Variants in CDK14 observed in about 807,000 individuals in gnomAD.
The protein encoded by CDK14 is cyclin dependent kinase 14, also known as cyclin-dependent kinase 14.
A neutral mutation model predicts 60.7 loss-of-function variants in CDK14; 34 were observed. That is an observed-to-expected ratio of 0.56 (90% CI 0.43 to 0.75). The LOEUF is 0.75. Among genes scored for constraint, CDK14 ranks in the 30% least tolerant of loss-of-function variants. CDK14 has a pLI of 0.00. For synonymous variants in CDK14, 197 were observed against 203.7 expected (o/e 0.97, Z 0.28); for missense variants, 482 against 564.1 (o/e 0.85, Z 1.47).
intron 14 of CDK14, among the ~76,000 whole-genome samples, chr7:91,120,690 C>T (rs1799755635): frequency 6.6e-6 from 1 of 152,148 alleles, no homozygotes; most frequent in Admixed American, 6.5e-5. Flanking sequence ...GCACATACCA[C>T]CACGCCTGGC....
chr7:90,678,096 C>T (rs1801236861), intron 2 of CDK14, among the ~76,000 whole-genome samples: 1 of 152,174 alleles, frequency 6.6e-6, no homozygotes, highest in South Asian at 2.1e-4. Flanking sequence ...TTGTAAGAAT[C>T]AAGTGGAGCA....
intron 11 of CDK14, among the ~76,000 whole-genome samples, chr7:91,074,177 C>A (rs534322459): frequency 6.6e-6 from 1 of 152,300 alleles, no homozygotes; most frequent in East Asian, 1.9e-4. Context: ...ACTCTCCACC[C>A]CAAATCCACA....
intron 13 of CDK14, among the ~76,000 whole-genome samples, chr7:91,116,312 A>G (rs185915378): frequency 6.6e-6 from 1 of 152,314 alleles, no homozygotes; most frequent in Admixed American, 6.5e-5. Context: ...ACAAATCGGT[A>G]CAGTGTGAAG....
chr7:90,916,559 TTTCGA>T (rs1793088903), intron 7 of CDK14, among the ~76,000 whole-genome samples: 1 of 152,218 alleles, frequency 6.6e-6, no homozygotes, highest in Non-Finnish European at 1.5e-5. Context: ...TTGCCAATCT[TTTCGA>T]TTCAAGTTTC....
At chr7:90,656,494 C>T (rs1187258889) in intron 2 of CDK14, among the ~76,000 whole-genome samples, 1 of 151,992 alleles carries the variant, frequency 6.6e-6, no homozygotes, top group Admixed American at 6.6e-5. Flanking sequence ...ATTCTTCTGC[C>T]TCAGCCTCCT....
intron 14 of CDK14, among the ~76,000 whole-genome samples, chr7:91,146,731 C>T (rs1800650260): frequency 6.6e-6 from 1 of 152,104 alleles, no homozygotes; most frequent in African/African-American, 2.4e-5. Flanking sequence ...TTATATTGTT[C>T]AGGCAGTGAG....
intron 4 of CDK14, among the ~76,000 whole-genome samples, chr7:90,763,783 G>T (rs147596397): frequency 2.0e-5 from 3 of 151,998 alleles, no homozygotes; most frequent in Admixed American, 6.5e-5. Context: ...CCTGCATGTT[G>T]TGCACATGTA....
chr7:90,964,074 T>C (rs1324289589), intron 9 of CDK14, among the ~76,000 whole-genome samples: 1 of 152,204 alleles, frequency 6.6e-6, no homozygotes, highest in African/African-American at 2.4e-5. Flanking sequence ...TAATTATCCT[T>C]GACTACAAAG....
intron 2 of CDK14, among the ~76,000 whole-genome samples, chr7:90,611,374 A>G (rs17862246): frequency 0.11 from 16,509 of 152,192 alleles, 1,095 homozygotes; most frequent in Middle Eastern, 0.16. Context: ...TTCTGCCGCT[A>G]TGTCTCACAG....
At chr7:91,055,084 T>C (rs1212751615) in intron 11 of CDK14, among the ~76,000 whole-genome samples, 3 of 152,132 alleles carry the variant, frequency 2.0e-5, no homozygotes, top group Non-Finnish European at 2.9e-5. Context: ...GAAGGGTCTA[T>C]AAAAGCGAGT....
chr7:90,809,658 C>G (rs1353499116), intron 5 of CDK14, among the ~76,000 whole-genome samples: 1 of 151,980 alleles, frequency 6.6e-6, no homozygotes, highest in East Asian at 1.9e-4. Context: ...CACAAAAAAC[C>G]CTTCAAAGAA....
intron 3 of CDK14, among the ~76,000 whole-genome samples, chr7:90,733,108 A>G (rs1802940068): frequency 6.6e-6 from 1 of 152,148 alleles, no homozygotes; most frequent in Admixed American, 6.5e-5. Context: ...CCCAGTAGTC[A>G]TTCGGGAGCA....
At position 90,696,326 on chromosome 7, in the gene CDK14, A is replaced by ACTTCTTCTTCTTCTT. The variant is rs149069653; in HGVS notation, c.124-30229_124-30228insCTTCTTCTTCTTCTT. Among the ~76,000 whole-genome samples the ACTTCTTCTTCTTCTT allele has an allele frequency of 1.6e-3, 143 of 88,280 alleles. 5 individuals carry two copies. Among genetic ancestry groups the ACTTCTTCTTCTTCTT allele is most frequent in the Admixed American group, 4.1e-3 (31 of 7,588 alleles). The allele number at this position is 88,280 out of a possible 152,430, so 57.9% of individuals were successfully genotyped here. ...AATCAGGAATTTGATTTGGTTTTGT[A>ACTTCTTCTTCTTCTT]CTTCTTCTTCTTTTTTTTTTTTTTT... is the stretch of plus-strand genomic sequence containing the variant. On this transcript the variant is annotated intron_variant, in intron 2 of 14. Coordinates refer to ENST00000380050, the MANE Select transcript of CDK14 (RefSeq NM_001287135.2).
At chr7:91,126,449 G>A (rs1799948482) in intron 14 of CDK14, among the ~76,000 whole-genome samples, 1 of 152,084 alleles carries the variant, frequency 6.6e-6, no homozygotes, top group South Asian at 2.1e-4. Flanking sequence ...CTTCACTGTG[G>A]CAAGTATTAT....
chr7:91,053,490 AC>A (rs1232825725), intron 11 of CDK14, among the ~76,000 whole-genome samples: 1 of 152,004 alleles, frequency 6.6e-6, no homozygotes, highest in Admixed American at 6.6e-5. Flanking sequence ...CTTGGAAAAG[AC>A]CTCTGTCTTC....
At chr7:90,863,698 T>TGTGTGTGTTTGTGTGTGTG (rs61201271) in intron 6 of CDK14, among the ~76,000 whole-genome samples, 6 of 58,468 alleles carry the variant, frequency 1.0e-4, no homozygotes, top group Non-Finnish European at 2.4e-4. Flanking sequence ...GTGTGTGTGT[T>TGTGTGTGTTTGTGTGTGTG]TGTGTGTGTG....
At position 90,659,595 on chromosome 7, in the gene CDK14, C is replaced by T. The variant is rs1557624; in HGVS notation, c.123+55346C>T. 8.5e-5 allele frequency among the ~76,000 whole-genome samples: 13 copies of T among 152,160 alleles called. No individual in the cohort carries two copies. In the South Asian group the frequency reaches 2.5e-3, roughly 29 times the overall value. On this transcript the variant is annotated intron_variant, in intron 2 of 14. Transcript: ENST00000380050. ...ATGAATTTGGCCCGCAAGAATATTA[C>T]CCTGAAACAGTACCTTTGGTTAAAA...
At chr7:91,090,664 A>G (rs1439403494) in intron 12 of CDK14, among the ~76,000 whole-genome samples, 2 of 152,168 alleles carry the variant, frequency 1.3e-5, no homozygotes, top group African/African-American at 2.4e-5. Context: ...TTTCTTTATT[A>G]TATAGCTATA....
At chr7:91,085,367 A>G (rs696266) in intron 12 of CDK14, among the ~76,000 whole-genome samples, 78,188 of 151,986 alleles carry the variant, frequency 0.51, 21,386 homozygotes, top group East Asian at 0.83. Context: ...TGCATGCTTC[A>G]TCACATAGCC....
Sources: allele counts gnomAD v4.1 joint callset (sites outside exome capture counted in the v4.1 genomes callset), GRCh38; gene constraint gnomAD v4.1.1; transcripts MANE v1.5; gene names NCBI Gene and HGNC (gene_info 2026-07-23, HGNC 2026-07-21).